The following ANKRD45 variants were observed in gnomAD, a reference collection of about 807,000 sequenced individuals.
The protein encoded by ANKRD45 is ankyrin repeat domain-containing protein 45.
Under a neutral mutation model 28.1 loss-of-function variants are expected in ANKRD45, and 21 were observed. The observed-to-expected ratio is 0.75, with a 90% CI of 0.53 to 1.08. ANKRD45 has a LOEUF of 1.08. ANKRD45 is among the 50% of genes least tolerant of loss of function. The probability of loss-of-function intolerance (pLI) is 0.00; values close to 1 mark genes in which losing one functional copy is unlikely to be tolerated. For missense variants in ANKRD45, 261 were observed against 308.7 expected (o/e 0.85, Z 1.16); for synonymous variants, 86 against 103.9 (o/e 0.83, Z 1.05).
chr1:173,705,914 C>T, the ANKRD45 span, among the ~76,000 whole-genome samples: 7 of 152,036 alleles, frequency 4.6e-5, no homozygotes, highest in Non-Finnish European at 1.0e-4. Context: ...TACACTCACA[C>T]TATATTTCTA....
At chr1:173,652,924 T>A (rs1225065830) in intron 2 of ANKRD45, among the ~76,000 whole-genome samples, 3 of 152,278 alleles carry the variant, frequency 2.0e-5, no homozygotes, top group Non-Finnish European at 4.4e-5. Flanking sequence ...TTTGTATTTC[T>A]GTGGGATCGG....
At chr1:173,708,945 T>C in the ANKRD45 span, among the ~76,000 whole-genome samples, 5 of 152,196 alleles carry the variant, frequency 3.3e-5, no homozygotes, top group Admixed American at 2.0e-4. Flanking sequence ...TAGAATTCTA[T>C]AGCAGCATCA....
At chr1:173,649,234 T>C (rs1669069921) in intron 2 of ANKRD45, among the ~76,000 whole-genome samples, 1 of 152,168 alleles carries the variant, frequency 6.6e-6, no homozygotes. Flanking sequence ...CAAAGACATA[T>C]ATCTAGAAAT....
chr1:173,698,796 A>T, the ANKRD45 span, among the ~76,000 whole-genome samples: 1 of 152,200 alleles, frequency 6.6e-6, no homozygotes, highest in East Asian at 1.9e-4. Flanking sequence ...CAAAGCTAGC[A>T]GAAGGCAAGA....
At chr1:173,637,883 A>T (rs957960680) in intron 3 of ANKRD45, among the ~76,000 whole-genome samples, 1 of 152,126 alleles carries the variant, frequency 6.6e-6, no homozygotes, top group Non-Finnish European at 1.5e-5. Context: ...GTCCTCTCTC[A>T]TGGGGAGGTG....
At chr1:173,654,745 A>G (rs1446936308) in intron 2 of ANKRD45, among the ~76,000 whole-genome samples, 1 of 152,166 alleles carries the variant, frequency 6.6e-6, no homozygotes. Context: ...AATCAAATGT[A>G]GATTTGGTCT....
chr1:173,679,953 G>A, the ANKRD45 span, among the ~76,000 whole-genome samples: 1,766 of 152,294 alleles, frequency 0.012, 17 homozygotes, highest in Middle Eastern at 0.037. Context: ...CATCATCACT[G>A]GTCATTAGGG....
At chr1:173,705,233 C>T in the ANKRD45 span, among the ~76,000 whole-genome samples, 11 of 151,846 alleles carry the variant, frequency 7.2e-5, no homozygotes, top group East Asian at 1.9e-3. Context: ...ATAGTTAGGT[C>T]CATTTATTCT....
chr1:173,671,043 G>A (rs976917740), upstream of ANKRD45, among the ~76,000 whole-genome samples: 4 of 152,100 alleles, frequency 2.6e-5, no homozygotes, highest in African/African-American at 9.7e-5. Context: ...AGTACTATGG[G>A]GTTACAGTCT....
At chr1:173,652,888 G>A (rs1449468429) in intron 2 of ANKRD45, among the ~76,000 whole-genome samples, 1 of 152,180 alleles carries the variant, frequency 6.6e-6, no homozygotes, top group Non-Finnish European at 1.5e-5. Flanking sequence ...TTGTGTAGAG[G>A]TGTTTATAGT....
the ANKRD45 span, among the ~76,000 whole-genome samples, chr1:173,688,676 C>T: frequency 2.2e-5 from 3 of 139,388 alleles, no homozygotes; most frequent in Admixed American, 6.9e-5. Flanking sequence ...TTTCCTCTCT[C>T]TCTTTCTGCC....
At chr1:173,652,662 G>C (rs1669287878) in intron 2 of ANKRD45, among the ~76,000 whole-genome samples, 1 of 152,158 alleles carries the variant, frequency 6.6e-6, no homozygotes, top group South Asian at 2.1e-4. Flanking sequence ...AATAGTTTCA[G>C]AAGGAATAGT....
At chr1:173,635,883 T>C in intron 3 of ANKRD45, 2 of 1,403,434 alleles carry the variant, frequency 1.4e-6, no homozygotes, top group South Asian at 1.3e-5. Context: ...TTACAAAATC[T>C]CTAAGGGTTT....
chr1:173,713,236 C>T, the ANKRD45 span, among the ~76,000 whole-genome samples: 1 of 152,126 alleles, frequency 6.6e-6, no homozygotes, highest in Non-Finnish European at 1.5e-5. Flanking sequence ...GTGAAATCGC[C>T]TTTGCAAACT....
chr1:173,707,614 T>C, the ANKRD45 span, among the ~76,000 whole-genome samples: 1 of 152,182 alleles, frequency 6.6e-6, no homozygotes, highest in Non-Finnish European at 1.5e-5. Flanking sequence ...ATTACAGGCA[T>C]GAGCCACCAC....
intron 5 of ANKRD45, among the ~76,000 whole-genome samples, chr1:173,615,071 A>C (rs1667401249): frequency 6.6e-6 from 1 of 152,048 alleles, no homozygotes; most frequent in Admixed American, 6.6e-5. Context: ...CACCCGCCTC[A>C]GCCTCCCAAA....
At position 173,641,687 on chromosome 1, in the gene ANKRD45, C is replaced by T. The variant is rs1354181830; in HGVS notation, c.496+5159G>A. On this transcript the variant is annotated intron_variant, in intron 3 of 5. Coordinates refer to ENST00000333279, the MANE Select transcript of ANKRD45 (RefSeq NM_198493.3). Reference sequence around the variant, plus strand: ...TTCACCCTGGCATTTCGTCAGTCTGCGAAAGTAAAAACAAGACACTGCAGG... The same window carrying T: ...TTCACCCTGGCATTTCGTCAGTCTGTGAAAGTAAAAACAAGACACTGCAGG... Among the ~76,000 whole-genome samples, 4 of 152,022 alleles carry T rather than the reference C, an allele frequency of 2.6e-5. No homozygotes were observed. In the East Asian group the frequency reaches 7.7e-4, roughly 29 times the overall value.
chr1:173,629,361 G>T (rs1394634102), intron 3 of ANKRD45, among the ~76,000 whole-genome samples: 1 of 152,122 alleles, frequency 6.6e-6, no homozygotes, highest in African/African-American at 2.4e-5. Flanking sequence ...TTCAGAGAGA[G>T]AATTCAAAAT....
At chr1:173,647,621 T>A (rs1041700724) in intron 2 of ANKRD45, among the ~76,000 whole-genome samples, 9 of 152,230 alleles carry the variant, frequency 5.9e-5, no homozygotes, top group African/African-American at 2.2e-4. Flanking sequence ...ATTGATTTTT[T>A]AAAAATTAAA....
Sources: gnomAD v4.1 joint callset for allele counts (sites outside exome capture counted in the v4.1 genomes callset) on GRCh38, gnomAD v4.1.1 for gene constraint, MANE v1.5 for transcripts, NCBI Gene and HGNC (gene_info 2026-07-23, HGNC 2026-07-21) for gene names.